ADAM12: variants seen among roughly 807,000 people sequenced by gnomAD.
ADAM12 encodes disintegrin and metalloproteinase domain-containing protein 12.
A neutral mutation model predicts 106.4 loss-of-function variants in ADAM12; 70 were observed. The observed-to-expected ratio is 0.66, with a 90% CI of 0.54 to 0.80. The LOEUF (loss-of-function observed/expected upper bound fraction) is 0.80. ADAM12 is among the 30% of genes least tolerant of loss of function. The pLI, the probability that ADAM12 is intolerant of heterozygous loss-of-function variation, is 0.00. For synonymous variants in ADAM12, 420 were observed against 433.5 expected (o/e 0.97, Z 0.39); for missense variants, 1,010 against 1,171.9 (o/e 0.86, Z 2.02).
rs771410648 is a variant in ADAM12, at chr10:126,118,077, C to T, written c.564G>A (p.Lys188=). 7.4e-6 allele frequency: 12 copies of T among 1,614,144 alleles called. No homozygotes were observed. In the South Asian group the frequency reaches 1.3e-4, roughly 18 times the overall value. The stretch of plus-strand genomic sequence containing the variant: ...TCTGAGAGGGTGGTGGAAACACATT[C>T]TTTGCAGCGAGGTTTGGTGTGTTGT... ...SHHNTPNLAA[K]NVFPPPSQTW... is the part of the protein sequence containing the mutation. Residue 188 remains lysine (K), a synonymous_variant, in exon 6 of 23, where the codon AAG becomes AAA. Coordinates refer to ENST00000448723, the MANE Select transcript of ADAM12 (RefSeq NM_001288973.2).
intron 1 of ADAM12, among the ~76,000 whole-genome samples, chr10:126,347,168 T>C (rs12763918): frequency 0.013 from 2,034 of 152,354 alleles, 36 homozygotes; most frequent in Admixed American, 0.048. Context: ...TACCGGTTGT[T>C]CCTTTCCATG....
chr10:126,145,942 T>C (rs1433406664), intron 4 of ADAM12, among the ~76,000 whole-genome samples: 3 of 152,106 alleles, frequency 2.0e-5, no homozygotes, highest in Non-Finnish European at 4.4e-5. Flanking sequence ...TGAGGAGGCA[T>C]TGGGGGAAGC....
chr10:126,124,199 G>C (rs1486155971), intron 5 of ADAM12, among the ~76,000 whole-genome samples: 1 of 152,062 alleles, frequency 6.6e-6, no homozygotes, highest in South Asian at 2.1e-4. Flanking sequence ...GTGTCCAACT[G>C]CTAACTGAAT....
intron 1 of ADAM12, among the ~76,000 whole-genome samples, chr10:126,369,456 C>T (rs758597819): frequency 8.5e-5 from 13 of 152,132 alleles, no homozygotes; most frequent in Non-Finnish European, 1.5e-4. Context: ...CTTTCCTTGA[C>T]TGGGGTTGGG....
intron 11 of ADAM12, among the ~76,000 whole-genome samples, chr10:126,073,556 C>G (rs528343515): frequency 1.2e-4 from 18 of 152,280 alleles, no homozygotes; most frequent in Admixed American, 1.2e-3. Context: ...TTCCCAGTGT[C>G]TGTTGTTCCC....
intron 1 of ADAM12, among the ~76,000 whole-genome samples, chr10:126,341,331 A>T (rs1289767440): frequency 6.6e-6 from 1 of 152,218 alleles, no homozygotes; most frequent in Non-Finnish European, 1.5e-5. Context: ...TCATGTGCAG[A>T]CAAGTATTTG....
At chr10:126,270,137 TTGAGTTAATTCCC>T (rs1287268238) in intron 3 of ADAM12, among the ~76,000 whole-genome samples, 2 of 152,234 alleles carry the variant, frequency 1.3e-5, no homozygotes, top group African/African-American at 4.8e-5. Flanking sequence ...TGCATGTAGC[TTGAGTTAATTCCC>T]TGAGTCTATA....
chr10:126,300,699 A>T (rs1224209622), intron 2 of ADAM12, among the ~76,000 whole-genome samples: 2 of 152,022 alleles, frequency 1.3e-5, no homozygotes, highest in African/African-American at 4.8e-5. Flanking sequence ...AATTAATAGG[A>T]AACACAAAAA....
chr10:126,019,620 C>T, intron 22 of ADAM12, 75 bp downstream of exon 22: 1 of 1,556,396 alleles, frequency 6.4e-7, no homozygotes, highest in Non-Finnish European at 8.7e-7. Context: ...CACCCCTGTC[C>T]TGGCTTGGAT....
intron 3 of ADAM12, among the ~76,000 whole-genome samples, chr10:126,249,980 G>A (rs1958713470): frequency 6.6e-6 from 1 of 152,068 alleles, no homozygotes; most frequent in Non-Finnish European, 1.5e-5. Context: ...TACACAATAA[G>A]TAGGCCACTG....
At chr10:126,250,604 T>C (rs1306455754) in intron 3 of ADAM12, among the ~76,000 whole-genome samples, 2 of 152,200 alleles carry the variant, frequency 1.3e-5, no homozygotes, top group African/African-American at 4.8e-5. Flanking sequence ...GGAACCGCAA[T>C]GGGGACAAAA....
chr10:126,165,532 C>T (rs981537269), intron 3 of ADAM12, among the ~76,000 whole-genome samples: 2 of 152,136 alleles, frequency 1.3e-5, no homozygotes, highest in African/African-American at 2.4e-5. Flanking sequence ...CTGTAATTGC[C>T]TGCTTGATAA....
intron 20 of ADAM12, 32 bp from the exon 21 acceptor site, chr10:126,036,357 G>C: frequency 6.4e-7 from 1 of 1,553,606 alleles, no homozygotes; most frequent in South Asian, 1.3e-5. Flanking sequence ...CCATGCTATA[G>C]CGGGTTTCAA....
At chr10:126,387,969 G>T in intron 1 of ADAM12, 89 bp downstream of exon 1, 1 of 1,173,440 alleles carries the variant, frequency 8.5e-7, no homozygotes, top group East Asian at 3.9e-5. Flanking sequence ...GTCGCCCCTC[G>T]GGGCAGCCCT....
intron 8 of ADAM12, among the ~76,000 whole-genome samples, chr10:126,106,597 T>G (rs1446943601): frequency 6.6e-6 from 1 of 151,146 alleles, no homozygotes; most frequent in Non-Finnish European, 1.5e-5. Flanking sequence ...GCAATTCTCC[T>G]GCCTCAGCCT....
intron 1 of ADAM12, among the ~76,000 whole-genome samples, chr10:126,376,946 T>C (rs886414031): frequency 5.9e-5 from 9 of 152,220 alleles, no homozygotes; most frequent in African/African-American, 1.9e-4. Flanking sequence ...GAGGTAGATA[T>C]GATCTTTATC....
chr10:126,095,033 T>C (rs986944248), intron 10 of ADAM12, among the ~76,000 whole-genome samples: 19 of 152,200 alleles, frequency 1.2e-4, no homozygotes, highest in Non-Finnish European at 1.5e-5. Flanking sequence ...AGTGCCTATA[T>C]ACAACATTTC....
intron 3 of ADAM12, among the ~76,000 whole-genome samples, chr10:126,226,845 G>C (rs966849647): frequency 2.0e-5 from 3 of 152,114 alleles, no homozygotes; most frequent in Non-Finnish European, 1.5e-5. Flanking sequence ...CAGAGCTTAT[G>C]GCCTGAAGGA....
chr10:126,272,300 A>C (rs1959181563), intron 3 of ADAM12, among the ~76,000 whole-genome samples: 1 of 152,248 alleles, frequency 6.6e-6, no homozygotes, highest in African/African-American at 2.4e-5. Flanking sequence ...GTGATTTAAC[A>C]CATCAATAAA....
Sources: allele counts gnomAD v4.1 joint callset (sites outside exome capture counted in the v4.1 genomes callset), GRCh38; gene constraint gnomAD v4.1.1; transcripts MANE v1.5; gene names NCBI Gene and HGNC (gene_info 2026-07-23, HGNC 2026-07-21).